Variants in DOCK8 observed in about 807,000 individuals in gnomAD.
DOCK8 encodes dedicator of cytokinesis 8.
In DOCK8, 141 loss-of-function variants were observed where a neutral mutation model predicts 245.6. The observed-to-expected ratio is 0.57, with a 90% CI of 0.50 to 0.66. The LOEUF is 0.66. Ranked by LOEUF, DOCK8 falls within the 30% of genes least tolerant of loss-of-function variation. The probability of loss-of-function intolerance (pLI) is 0.00; values close to 1 mark genes in which losing one functional copy is unlikely to be tolerated. For synonymous variants in DOCK8, 1,168 were observed against 970.2 expected (o/e 1.20, Z -3.79); for missense variants, 2,965 against 2,603.4 (o/e 1.14, Z -3.02).
intron 2 of DOCK8, among the ~76,000 whole-genome samples, chr9:280,011 A>G (rs2130142951): frequency 6.6e-6 from 1 of 152,304 alleles, no homozygotes; most frequent in Non-Finnish European, 1.5e-5. Context: ...GTTAGGAGCT[A>G]TGTAGATTAA....
At chr9:262,365 G>T (rs1006134096) in intron 1 of DOCK8, among the ~76,000 whole-genome samples, 1 of 151,246 alleles carries the variant, frequency 6.6e-6, no homozygotes, top group Non-Finnish European at 1.5e-5. Context: ...ATAAAGATTT[G>T]AACACAAATG....
intron 45 of DOCK8, among the ~76,000 whole-genome samples, chr9:450,343 A>T (rs983136334): frequency 6.6e-6 from 1 of 152,060 alleles, no homozygotes; most frequent in African/African-American, 2.4e-5. Flanking sequence ...AGAACATCCA[A>T]CTCTTGGCTC....
chr9:376,678 C>T (rs1461627889), intron 19 of DOCK8, among the ~76,000 whole-genome samples: 1 of 152,206 alleles, frequency 6.6e-6, no homozygotes, highest in Admixed American at 6.5e-5. Context: ...AGTTCTGCAT[C>T]TGCTGAGACC....
chr9:419,527 C>T (rs2056185845), intron 30 of DOCK8, among the ~76,000 whole-genome samples: 1 of 152,172 alleles, frequency 6.6e-6, no homozygotes, highest in African/African-American at 2.4e-5. Flanking sequence ...TCAAGATTTC[C>T]TTTATTCTTG....
At chr9:432,110 C>T (rs2056734691) in intron 36 of DOCK8, 56 bp from the exon 37 acceptor site, 9 of 1,588,340 alleles carry the variant, frequency 5.7e-6, no homozygotes, top group South Asian at 1.1e-5. Flanking sequence ...TTTCAGTTAT[C>T]TACTGCTAAG....
chr9:319,337 G>C (rs2050483991), intron 7 of DOCK8, among the ~76,000 whole-genome samples: 1 of 152,180 alleles, frequency 6.6e-6, no homozygotes, highest in African/African-American at 2.4e-5. Context: ...ATTGTAAAGT[G>C]CAGTTTCTAG....
rs2054153372 is a variant in DOCK8 at position 390,698 on chromosome 9, C to G, written c.2970+132C>G. ...GTGGTTTCTTGAAATCTAATAATCT[C>G]TCACCCCTCCCATCCTTCTTCCACT... is the stretch of plus-strand genomic sequence containing the variant. On this transcript the variant is annotated intron_variant, in intron 24 of 47. Transcript: ENST00000432829. 3 of 792,322 alleles carry G rather than the reference C, an allele frequency of 3.8e-6. No individual in the cohort carries two copies. In the East Asian group the frequency reaches 7.8e-5, roughly 21 times the overall value. 49.1% of individuals were successfully genotyped at this position (792,322 alleles called of 1,614,324 possible). A position where few individuals can be genotyped will look rare whatever the true frequency, so the allele number is the denominator to read the frequency against.
At chr9:419,153 A>G (rs10758556) in intron 30 of DOCK8, among the ~76,000 whole-genome samples, 81,908 of 152,002 alleles carry the variant, frequency 0.54, 22,409 homozygotes, top group Non-Finnish European at 0.59. Context: ...TCACATTTCA[A>G]TGTAGGGTAT....
At chr9:311,340 G>C (rs1311237334) in intron 5 of DOCK8, among the ~76,000 whole-genome samples, 1 of 149,914 alleles carries the variant, frequency 6.7e-6, no homozygotes, top group Non-Finnish European at 1.5e-5. Flanking sequence ...CCTGGGCGGG[G>C]TTCAAGCAGT....
At chr9:391,554 A>C (rs549907991) in intron 24 of DOCK8, among the ~76,000 whole-genome samples, 3 of 152,328 alleles carry the variant, frequency 2.0e-5, no homozygotes, top group Admixed American at 6.5e-5. Context: ...AATAAGGGGA[A>C]TAATAGTGAT....
At chr9:423,672 A>G (rs2056369412) in intron 33 of DOCK8, among the ~76,000 whole-genome samples, 1 of 152,110 alleles carries the variant, frequency 6.6e-6, no homozygotes, top group South Asian at 2.1e-4. Context: ...TATCATGCCT[A>G]TTTGCTTTGG....
At chr9:257,678 C>T (rs979527694) in intron 1 of DOCK8, among the ~76,000 whole-genome samples, 2 of 152,180 alleles carry the variant, frequency 1.3e-5, no homozygotes, top group African/African-American at 4.8e-5. Flanking sequence ...TGCCACCAGC[C>T]CAGCTAATTT....
chr9:457,627 T>TGTC (rs1454410003), intron 46 of DOCK8, among the ~76,000 whole-genome samples: 4 of 152,236 alleles, frequency 2.6e-5, no homozygotes, highest in African/African-American at 4.8e-5. Flanking sequence ...CCAGCTGTGC[T>TGTC]GTCCCACAGG....
At chr9:302,124 A>G (rs1262320700) in intron 4 of DOCK8, among the ~76,000 whole-genome samples, 1 of 152,334 alleles carries the variant, frequency 6.6e-6, no homozygotes, top group East Asian at 1.9e-4. Context: ...AGTGACCAAT[A>G]CAGCACAGTC....
chr9:420,461 C>G lies in DOCK8; in HGVS notation c.3901C>G (p.Leu1301Val), dbSNP rs1256401388. 1.2e-6 allele frequency: 2 copies of G among 1,614,178 alleles called. No homozygotes were observed. The highest frequency in any genetic ancestry group is 1.7e-6 in the Non-Finnish European group (2 of 1,180,038). ...TACTCGCAACCTCATGATCTGCTTC[C>G]TCTGGATCATGAAAAATGCTGATCA... Reference protein sequence around the residue: ...DTTRNLMICFLWIMKNADQSL... With the variant: ...DTTRNLMICFVWIMKNADQSL... Residue 1301 changes from leucine (L) to valine (V), a missense_variant, in exon 31 of 48, where the codon CTC (leucine) becomes GTC (valine). Leu to Val is a conservative substitution (Grantham distance 32, BLOSUM62 1). Transcript: ENST00000432829.
intron 26 of DOCK8, among the ~76,000 whole-genome samples, chr9:400,087 T>G (rs1252470036): frequency 4.5e-5 from 3 of 66,184 alleles, no homozygotes; most frequent in African/African-American, 2.9e-4. Context: ...CACCACCACC[T>G]CCACCATCAC....
At chr9:367,783 A>G (rs1361752383) in intron 14 of DOCK8, among the ~76,000 whole-genome samples, 4 of 152,200 alleles carry the variant, frequency 2.6e-5, no homozygotes, top group African/African-American at 7.2e-5. Context: ...TCTAAGCTGC[A>G]GCAGACACAT....
At chr9:378,798 C>T (rs1352119589) in intron 20 of DOCK8, among the ~76,000 whole-genome samples, 1 of 152,220 alleles carries the variant, frequency 6.6e-6, no homozygotes, top group Non-Finnish European at 1.5e-5. Context: ...TATTCAGAAC[C>T]TATTCTGTGT....
intron 2 of DOCK8, among the ~76,000 whole-genome samples, chr9:280,045 G>C (rs2048512162): frequency 6.6e-6 from 1 of 152,196 alleles, no homozygotes; most frequent in Non-Finnish European, 1.5e-5. Context: ...TGGTTCTGGG[G>C]TTGTAGGAAT....
Sources: allele counts gnomAD v4.1 joint callset (sites outside exome capture counted in the v4.1 genomes callset), GRCh38; gene constraint gnomAD v4.1.1; transcripts MANE v1.5; gene names NCBI Gene and HGNC (gene_info 2026-07-23, HGNC 2026-07-21).